SIPA1L3: variants seen among roughly 807,000 people sequenced by gnomAD.
SIPA1L3 encodes the protein signal-induced proliferation-associated 1-like protein 3.
In SIPA1L3, 59 loss-of-function variants were observed where a neutral mutation model predicts 150.1. The observed-to-expected ratio is 0.39, with a 90% CI of 0.32 to 0.49. The LOEUF (loss-of-function observed/expected upper bound fraction) is 0.49, where lower values mean the gene tolerates loss of function less well. Among genes scored for constraint, SIPA1L3 ranks in the 20% least tolerant of loss-of-function variants. The pLI is 0.86. For missense variants in SIPA1L3, 2,211 were observed against 2,489.5 expected (o/e 0.89, Z 2.38); for synonymous variants, 1,070 against 1,077.6 (o/e 0.99, Z 0.14).
At chr19:37,919,123 T>C (rs1436220208) in intron 1 of SIPA1L3, among the ~76,000 whole-genome samples, 1 of 152,080 alleles carries the variant, frequency 6.6e-6, no homozygotes, top group Non-Finnish European at 1.5e-5. Flanking sequence ...CTGTCAACTC[T>C]ATGAGAGTCG....
chr19:37,950,858 C>T (rs1272304342), intron 1 of SIPA1L3, among the ~76,000 whole-genome samples: 3 of 152,228 alleles, frequency 2.0e-5, no homozygotes, highest in African/African-American at 7.2e-5. Flanking sequence ...ATATCTATTC[C>T]CCAGACGGTG....
intron 6 of SIPA1L3, among the ~76,000 whole-genome samples, chr19:38,103,443 G>A (rs1381207328): frequency 1.3e-5 from 2 of 151,810 alleles, no homozygotes; most frequent in Admixed American, 6.6e-5. Context: ...CCTGGCCAAC[G>A]TAGTGAAACC....
At position 38,046,152 on chromosome 19, in the gene SIPA1L3, C is replaced by T. The variant is rs577121779; in HGVS notation, c.-311+16996C>T. Among the ~76,000 whole-genome samples, 15 of 152,160 alleles carry T rather than the reference C, an allele frequency of 9.9e-5. No homozygotes were observed. Among genetic ancestry groups the T allele is most frequent in the East Asian group, 1.9e-4 (1 of 5,132 alleles). On this transcript the variant is annotated intron_variant, in intron 2 of 21. Coordinates refer to ENST00000222345, the MANE Select transcript of SIPA1L3 (RefSeq NM_015073.3). This position sits in a 1 kb window ranked among gnomAD's most constrained non-coding sequence, Gnocchi z 5.6. ...GGGGTTGAGAGGAGCTTTCTATAGA[C>T]GAGAAGGTGCCCTGGTTCTCGACTC...
Position 38,106,583 on chromosome 19 carries a change from C to T in SIPA1L3, c.2076C>T (p.Tyr692=), listed in dbSNP as rs187615405. 8.1e-5 allele frequency: 131 copies of T among 1,614,076 alleles called. No individual in the cohort carries two copies. Among genetic ancestry groups the T allele is most frequent in the Admixed American group, 5.0e-4 (30 of 60,022 alleles). Residue 692 remains tyrosine, a synonymous_variant, in exon 7 of 22, where the codon TAC becomes TAT. Coordinates refer to ENST00000222345, the MANE Select transcript of SIPA1L3 (RefSeq NM_015073.3). ...CCCTCTACACGATGTACCAGGACTACGAGATCATGTTCCATGTCTCCACCC... is the reference window on the plus strand; with the variant it reads ...CCCTCTACACGATGTACCAGGACTATGAGATCATGTTCCATGTCTCCACCC... ...THSLYTMYQD[Y]EIMFHVSTLL...
chr19:38,055,058 A>G (rs891681781), intron 2 of SIPA1L3, among the ~76,000 whole-genome samples: 2 of 152,198 alleles, frequency 1.3e-5, no homozygotes, highest in Non-Finnish European at 2.9e-5. Context: ...ATAGAGGCTC[A>G]CATTCTAGCC....
intron 8 of SIPA1L3, among the ~76,000 whole-genome samples, chr19:38,117,863 G>A (rs990751399): frequency 6.6e-6 from 1 of 151,414 alleles, no homozygotes; most frequent in African/African-American, 2.4e-5. Context: ...TTGGCTCACT[G>A]CAACCTCCGC....
intron 2 of SIPA1L3, among the ~76,000 whole-genome samples, chr19:38,038,970 G>A (rs1182342855): frequency 1.3e-5 from 2 of 152,082 alleles, no homozygotes; most frequent in African/African-American, 2.4e-5. Flanking sequence ...CACAACCTCC[G>A]CCTCCGAGGT....
chr19:38,132,797 A>G (rs904604757), intron 10 of SIPA1L3, among the ~76,000 whole-genome samples: 1 of 151,548 alleles, frequency 6.6e-6, no homozygotes, highest in Non-Finnish European at 1.5e-5. Flanking sequence ...ACAGGCATGT[A>G]GCACCACACC....
rs563197764 is a variant in SIPA1L3, at chr19:38,132,318, G to A, written c.3143+1546G>A. Among the ~76,000 whole-genome samples, 35 of 151,740 alleles carry A rather than the reference G, an allele frequency of 2.3e-4. No homozygotes were observed. The South Asian group carries it at 6.9e-3, about 30-fold the overall frequency. On this transcript the variant is annotated intron_variant, in intron 10 of 21. Transcript: ENST00000222345. Reference sequence around the variant, plus strand: ...CTCACACCTGTAACCTCAGCACTTCGGGAGGCCGAGGCGGGCGGATCACCA... The same window carrying A: ...CTCACACCTGTAACCTCAGCACTTCAGGAGGCCGAGGCGGGCGGATCACCA...
intron 2 of SIPA1L3, among the ~76,000 whole-genome samples, chr19:38,041,437 C>G (rs1282898791): frequency 6.6e-6 from 1 of 151,930 alleles, no homozygotes; most frequent in African/African-American, 2.4e-5. Flanking sequence ...CGCTACCATG[C>G]CCAGCTAATT....
chr19:38,198,821 G>T (rs1311970702), intron 19 of SIPA1L3, among the ~76,000 whole-genome samples: 1 of 152,206 alleles, frequency 6.6e-6, no homozygotes, highest in Non-Finnish European at 1.5e-5. Flanking sequence ...CAAGCACAGT[G>T]GTTCACACCT....
At chr19:37,932,611 G>A (rs2046565631) in intron 1 of SIPA1L3, 2 of 152,138 alleles carry the variant, frequency 1.3e-5, no homozygotes, top group Non-Finnish European at 2.9e-5. Context: ...GGAGGACCAG[G>A]GACAGGAGGA....
chr19:38,169,244 C>T lies in SIPA1L3; in HGVS notation c.4208+4338C>T, dbSNP rs565358189. 6.6e-5 allele frequency among the ~76,000 whole-genome samples: 10 copies of T among 152,196 alleles called. No individual in the cohort carries two copies. The East Asian group carries it at 1.9e-3, about 29-fold the overall frequency. ...TCTCTACTGAAAATACAAAAATTAG[C>T]CAGGCGTGGTGGTGCACGCCTGTGG... On this transcript the variant is annotated intron_variant, in intron 15 of 21. Transcript: ENST00000222345.
rs147022464 is a variant in SIPA1L3, at chr19:38,013,145, C to T, written c.-378-15944C>T. Among the ~76,000 whole-genome samples the T allele has an allele frequency of 1.6e-3, 243 of 152,290 alleles. 1 individual carries two copies. The highest frequency in any genetic ancestry group is 5.7e-3 in the African/African-American group (236 of 41,560). On this transcript the variant is annotated intron_variant, in intron 1 of 21. Transcript: ENST00000222345. The stretch of plus-strand genomic sequence containing the variant: ...CCTCCTGCTCCGAGTTTCTCTCTGG[C>T]GCTGCTAGCAGGTGCTGGGCCAGGC...
At chr19:37,989,120 A>T (rs1364205080) in intron 1 of SIPA1L3, among the ~76,000 whole-genome samples, 2 of 152,168 alleles carry the variant, frequency 1.3e-5, no homozygotes, top group African/African-American at 4.8e-5. Flanking sequence ...GTGATTGAGG[A>T]GGGAATGAGT....
intron 1 of SIPA1L3, among the ~76,000 whole-genome samples, chr19:37,929,883 C>G (rs537545449): frequency 1.3e-5 from 2 of 152,194 alleles, no homozygotes; most frequent in South Asian, 4.1e-4. Context: ...TTTTTAGAGA[C>G]AGTCTTGTTC....
intron 1 of SIPA1L3, among the ~76,000 whole-genome samples, chr19:37,983,998 C>T (rs756410990): frequency 5.3e-5 from 8 of 151,496 alleles, no homozygotes; most frequent in African/African-American, 1.5e-4. Flanking sequence ...AGGCATGATT[C>T]GAGTGGAGAT....
At chr19:38,166,366 A>C (rs1202858367) in intron 15 of SIPA1L3, among the ~76,000 whole-genome samples, 6 of 151,692 alleles carry the variant, frequency 4.0e-5, no homozygotes, top group Non-Finnish European at 7.4e-5. Context: ...CTGAGGCAGG[A>C]GAATCGCTTG....
At position 38,160,965 on chromosome 19, in the gene SIPA1L3, A is replaced by G. The variant is rs566125650; in HGVS notation, c.3662-1288A>G. ...ATGTGAAGACCTATGGTGAAGATAT[A>G]AAGAGAAAAGCAAGTATAGACATAT... On this transcript the variant is annotated intron_variant, in intron 13 of 21. Coordinates refer to ENST00000222345, the MANE Select transcript of SIPA1L3 (RefSeq NM_015073.3). 1.2e-4 allele frequency among the ~76,000 whole-genome samples: 19 copies of G among 152,356 alleles called. 1 individual carries two copies. The East Asian group carries it at 3.7e-3, about 29-fold the overall frequency.
Sources: allele counts gnomAD v4.1 joint callset (sites outside exome capture counted in the v4.1 genomes callset), GRCh38; gene constraint gnomAD v4.1.1; non-coding constraint Gnocchi (gnomAD v3.1); transcripts MANE v1.5; gene names NCBI Gene and HGNC (gene_info 2026-07-23, HGNC 2026-07-21).